Variants in CSNK1G3 observed in about 807,000 individuals in gnomAD.
The protein encoded by CSNK1G3 is casein kinase 1 gamma 3, also known as casein kinase I isoform gamma-3.
CSNK1G3 carries 23 observed loss-of-function variants against 64.3 expected under a neutral mutation model. The ratio of observed to expected loss-of-function variants is 0.36; its 90% CI spans 0.26 to 0.51. The LOEUF is 0.51. Among genes scored for constraint, CSNK1G3 ranks in the 20% least tolerant of loss-of-function variants. The pLI is 0.96. For synonymous variants in CSNK1G3, 158 were observed against 162.2 expected (o/e 0.97, Z 0.20); for missense variants, 357 against 510.5 (o/e 0.70, Z 2.90).
chr5:123,550,675 C>A (rs1236811684), intron 2 of CSNK1G3, among the ~76,000 whole-genome samples: 1 of 152,162 alleles, frequency 6.6e-6, no homozygotes, highest in Non-Finnish European at 1.5e-5. Flanking sequence ...CTGGAAATGT[C>A]TTTTAAAATT....
intron 10 of CSNK1G3, among the ~76,000 whole-genome samples, chr5:123,601,536 G>A (rs1247893745): frequency 6.6e-6 from 1 of 152,102 alleles, no homozygotes; most frequent in African/African-American, 2.4e-5. Context: ...GTAAAATGGG[G>A]TTTGAAACAT....
chr5:123,614,559 TC>T, exon 13 of CSNK1G3: 1 of 560,206 alleles, frequency 1.8e-6, no homozygotes. Context: ...ACATTCTTTT[TC>T]TTTTTTTTTT....
intron 10 of CSNK1G3, among the ~76,000 whole-genome samples, chr5:123,602,920 CAT>C (rs1449113294): frequency 6.6e-6 from 1 of 152,110 alleles, no homozygotes; most frequent in Non-Finnish European, 1.5e-5. Flanking sequence ...ATCTCACCCT[CAT>C]ATCAACCTTG....
At chr5:123,614,591 T>C (rs546075128) in exon 13 of CSNK1G3, 1 of 472,292 alleles carries the variant, frequency 2.1e-6, no homozygotes, top group South Asian at 3.7e-5. Flanking sequence ...TTAACCTTTA[T>C]GGAAGCTTTA....
At chr5:123,585,836 G>C (rs1214227924) in intron 6 of CSNK1G3, among the ~76,000 whole-genome samples, 2 of 152,190 alleles carry the variant, frequency 1.3e-5, no homozygotes, top group African/African-American at 4.8e-5. Context: ...CCCATACATT[G>C]CTGGTAGAAA....
At chr5:123,609,228 CAT>C (rs1257769411) in intron 12 of CSNK1G3, among the ~76,000 whole-genome samples, 1 of 152,168 alleles carries the variant, frequency 6.6e-6, no homozygotes, top group East Asian at 1.9e-4. Context: ...CAAGAAATGA[CAT>C]GTGGTTTTAA....
At chr5:123,554,924 A>G (rs961296659) in intron 3 of CSNK1G3, among the ~76,000 whole-genome samples, 18 of 152,200 alleles carry the variant, frequency 1.2e-4, no homozygotes, top group African/African-American at 4.3e-4. Context: ...TCATTCATTA[A>G]GTGGTGATCC....
chr5:123,514,621 A>G (rs1776816897), intron 1 of CSNK1G3, among the ~76,000 whole-genome samples: 1 of 151,786 alleles, frequency 6.6e-6, no homozygotes, highest in Admixed American at 6.6e-5. Context: ...TGAGATACTA[A>G]TTTTTGACTG....
At chr5:123,592,877 G>T (rs886619528) in intron 10 of CSNK1G3, among the ~76,000 whole-genome samples, 1 of 151,856 alleles carries the variant, frequency 6.6e-6, no homozygotes, top group Non-Finnish European at 1.5e-5. Flanking sequence ...CTGGAGTGCT[G>T]TGAAAAGATT....
chr5:123,561,879 C>T (rs188913376), intron 4 of CSNK1G3, among the ~76,000 whole-genome samples: 28 of 152,018 alleles, frequency 1.8e-4, no homozygotes, highest in African/African-American at 5.6e-4. Flanking sequence ...CTGATTTTGG[C>T]GTATTGGTAT....
At chr5:123,522,100 A>T (rs1778212829) in intron 1 of CSNK1G3, among the ~76,000 whole-genome samples, 1 of 152,164 alleles carries the variant, frequency 6.6e-6, no homozygotes, top group Admixed American at 6.5e-5. Context: ...AGGTATGAAG[A>T]TGACACAGAA....
chr5:123,615,658 T>A (rs1459676442), exon 13 of CSNK1G3: 2 of 152,206 alleles, frequency 1.3e-5, no homozygotes. Context: ...TCAAGTATGC[T>A]TTGTTTTAAG....
chr5:123,543,540 G>A (rs1782028645), intron 1 of CSNK1G3, among the ~76,000 whole-genome samples: 1 of 152,044 alleles, frequency 6.6e-6, no homozygotes, highest in African/African-American at 2.4e-5. Context: ...CTTCATTTTT[G>A]ATACTGTGTA....
intron 10 of CSNK1G3, among the ~76,000 whole-genome samples, chr5:123,603,787 C>T (rs557113681): frequency 1.3e-5 from 2 of 152,174 alleles, no homozygotes; most frequent in South Asian, 2.1e-4. Flanking sequence ...AGAATCTCGA[C>T]ATATTGGATG....
intron 4 of CSNK1G3, among the ~76,000 whole-genome samples, chr5:123,561,707 C>T (rs1340507897): frequency 6.6e-6 from 1 of 152,140 alleles, no homozygotes; most frequent in East Asian, 1.9e-4. Context: ...AATATCCCTA[C>T]TGAAATCAGA....
At chr5:123,548,087 G>A (rs995906529) in intron 2 of CSNK1G3, among the ~76,000 whole-genome samples, 5 of 152,128 alleles carry the variant, frequency 3.3e-5, no homozygotes, top group African/African-American at 1.2e-4. Flanking sequence ...TTCAATAAAG[G>A]TACTGTTGGT....
At chr5:123,520,083 A>T (rs1270688105) in intron 1 of CSNK1G3, among the ~76,000 whole-genome samples, 1 of 152,210 alleles carries the variant, frequency 6.6e-6, no homozygotes, top group Non-Finnish European at 1.5e-5. Flanking sequence ...CAATGACAAC[A>T]TCACACAGAA....
chr5:123,535,921 A>ATT (rs1780719193), intron 1 of CSNK1G3, among the ~76,000 whole-genome samples: 1 of 152,080 alleles, frequency 6.6e-6, no homozygotes, highest in Non-Finnish European at 1.5e-5. Flanking sequence ...GAAGGGAAGT[A>ATT]GTTGTTGTTT....
chr5:123,610,229 A>G (rs1796080206), intron 12 of CSNK1G3, among the ~76,000 whole-genome samples: 1 of 152,120 alleles, frequency 6.6e-6, no homozygotes, highest in South Asian at 2.1e-4. Context: ...AAATCAAGAG[A>G]TCCAGAGATA....
Sources: allele counts gnomAD v4.1 joint callset (sites outside exome capture counted in the v4.1 genomes callset), GRCh38; gene constraint gnomAD v4.1.1; transcripts MANE v1.5; gene names NCBI Gene and HGNC (gene_info 2026-07-23, HGNC 2026-07-21).